Variants in SLC8A1 observed in about 807,000 individuals in gnomAD.
The protein encoded by SLC8A1 is solute carrier family 8 member A1, also known as sodium/calcium exchanger 1.
SLC8A1 carries 18 observed loss-of-function variants against 68.3 expected under a neutral mutation model. That is an observed-to-expected ratio of 0.26 (90% CI 0.18 to 0.39). The LOEUF is 0.39. Among genes scored for constraint, SLC8A1 ranks in the 10% least tolerant of loss-of-function variants. The pLI is 1.00. For missense variants in SLC8A1, 985 were observed against 1,156.7 expected, an observed-to-expected ratio of 0.85 and a Z score of 2.15; for synonymous variants, 475 against 415.5, an observed-to-expected ratio of 1.14 and a Z score of -1.74.
chr2:40,325,698 C>T (rs1166688932), intron 2 of SLC8A1, among the ~76,000 whole-genome samples: 1 of 145,322 alleles, frequency 6.9e-6, no homozygotes, highest in Non-Finnish European at 1.5e-5. Context: ...CTTTGGGAGG[C>T]CAAGACGGGT....
intron 2 of SLC8A1, among the ~76,000 whole-genome samples, chr2:40,191,393 T>C (rs2051806216): frequency 6.6e-6 from 1 of 152,192 alleles, no homozygotes; most frequent in Non-Finnish European, 1.5e-5. Context: ...CCAAACACTT[T>C]ATAGGTAAGC....
intron 2 of SLC8A1, among the ~76,000 whole-genome samples, chr2:40,290,848 C>G (rs569287396): frequency 6.6e-6 from 1 of 152,258 alleles, no homozygotes; most frequent in African/African-American, 2.4e-5. Flanking sequence ...TCCCTGTCTT[C>G]CCTTTTGATA....
intron 2 of SLC8A1, among the ~76,000 whole-genome samples, chr2:40,181,805 T>G (rs1324513528): frequency 1.3e-5 from 2 of 152,222 alleles, no homozygotes; most frequent in African/African-American, 4.8e-5. Flanking sequence ...TAAACCAATG[T>G]AATTTTTAAA....
At chr2:40,447,649 C>T (rs1044816444) in intron 1 of SLC8A1, among the ~76,000 whole-genome samples, 2 of 151,062 alleles carry the variant, frequency 1.3e-5, no homozygotes, top group African/African-American at 4.9e-5. Context: ...TTAATGGTAG[C>T]TCCTTCTCGG....
At chr2:40,125,224 C>A (rs1394640775) in intron 7 of SLC8A1, among the ~76,000 whole-genome samples, 1 of 152,112 alleles carries the variant, frequency 6.6e-6, no homozygotes, top group Non-Finnish European at 1.5e-5. Flanking sequence ...TAGACAAATC[C>A]TTGGATGAAA....
intron 2 of SLC8A1, among the ~76,000 whole-genome samples, chr2:40,380,136 T>G (rs1338449079): frequency 2.0e-5 from 3 of 152,158 alleles, no homozygotes; most frequent in Non-Finnish European, 2.9e-5. Flanking sequence ...TGTTGTTCTA[T>G]CTCAATAGCA....
intron 2 of SLC8A1, among the ~76,000 whole-genome samples, chr2:40,352,081 G>T (rs571928404): frequency 6.6e-6 from 1 of 152,252 alleles, no homozygotes; most frequent in African/African-American, 2.4e-5. Flanking sequence ...CCTAGAAATT[G>T]TAACAAGCTA....
intron 2 of SLC8A1, among the ~76,000 whole-genome samples, chr2:40,400,374 AGG>A (rs1688349874): frequency 6.6e-6 from 1 of 152,224 alleles, no homozygotes; most frequent in Admixed American, 6.5e-5. Context: ...AGACTCACCC[AGG>A]AAAGAAAAAG....
At chr2:40,296,705 CTT>C (rs1206583595) in intron 2 of SLC8A1, among the ~76,000 whole-genome samples, 4 of 152,024 alleles carry the variant, frequency 2.6e-5, no homozygotes, top group African/African-American at 9.7e-5. Context: ...TATGTTTACT[CTT>C]GTTATGTTTT....
chr2:40,463,074 T>C (rs766863752), intron 1 of SLC8A1, among the ~76,000 whole-genome samples: 16 of 152,188 alleles, frequency 1.1e-4, no homozygotes, highest in Non-Finnish European at 1.9e-4. Flanking sequence ...AATTTAGTTT[T>C]TAATTAACAT....
chr2:40,325,049 C>G (rs2075651324), intron 2 of SLC8A1, among the ~76,000 whole-genome samples: 1 of 152,032 alleles, frequency 6.6e-6, no homozygotes, highest in South Asian at 2.1e-4. Flanking sequence ...TCACTCTTTC[C>G]TTAATAATGA....
chr2:40,156,807 C>T (rs986911697), intron 6 of SLC8A1, among the ~76,000 whole-genome samples: 3 of 152,080 alleles, frequency 2.0e-5, no homozygotes, highest in Non-Finnish European at 4.4e-5. Flanking sequence ...CCTCTGTGTA[C>T]GTGCATACCT....
chr2:40,329,035 AT>A, intron 2 of SLC8A1, among the ~76,000 whole-genome samples: 1 of 145,052 alleles, frequency 6.9e-6, no homozygotes, highest in African/African-American at 2.6e-5. Context: ...CTACTTCTCT[AT>A]TTTCATCTCC....
chr2:40,270,980 A>G (rs1559042529), intron 2 of SLC8A1, among the ~76,000 whole-genome samples: 1 of 152,086 alleles, frequency 6.6e-6, no homozygotes, highest in Non-Finnish European at 1.5e-5. Context: ...ATCCTGGCCT[A>G]TGCCCTCTCT....
chr2:40,487,838 T>C (rs1705067666), intron 1 of SLC8A1, among the ~76,000 whole-genome samples: 1 of 152,174 alleles, frequency 6.6e-6, no homozygotes, highest in Non-Finnish European at 1.5e-5. Context: ...TGGTCAGTCA[T>C]GGCATTGAAA....
rs566807963 is a variant in SLC8A1 at position 40,392,249 on chromosome 2, C to T, written c.1808+36224G>A. Among the ~76,000 whole-genome samples the T allele has an allele frequency of 3.3e-5, 4 of 122,514 alleles. No homozygotes were observed. The South Asian group carries it at 9.8e-4, about 30-fold the overall frequency. The allele number at this position is 122,514 out of a possible 152,430, so 80.4% of individuals were successfully genotyped here. On this transcript the variant is annotated intron_variant, in intron 2 of 7. Transcript: ENST00000406785. The stretch of plus-strand genomic sequence containing the variant: ...GAAAGAAAAAGAAAGAGAAAGGAAG[C>T]AAGCAAGCAAGCAAGCAAGCAAGCA...
intron 2 of SLC8A1, among the ~76,000 whole-genome samples, chr2:40,241,257 C>T (rs1351730423): frequency 6.6e-6 from 1 of 152,104 alleles, no homozygotes; most frequent in African/African-American, 2.4e-5. Flanking sequence ...AACAGAAAAC[C>T]AAATACCACG....
chr2:40,336,687 A>G (rs773606928), intron 2 of SLC8A1, among the ~76,000 whole-genome samples: 27 of 152,156 alleles, frequency 1.8e-4, no homozygotes, highest in African/African-American at 4.3e-4. Context: ...CGTTCACAAA[A>G]ATACAGGCAT....
intron 2 of SLC8A1, among the ~76,000 whole-genome samples, chr2:40,408,811 T>C (rs565713443): frequency 1.1e-4 from 16 of 152,286 alleles, no homozygotes; most frequent in African/African-American, 3.8e-4. Context: ...ACTTGACTAA[T>C]TCTGTTATGC....
Sources: allele counts gnomAD v4.1 joint callset (sites outside exome capture counted in the v4.1 genomes callset), GRCh38; gene constraint gnomAD v4.1.1; transcripts MANE v1.5; gene names NCBI Gene and HGNC (gene_info 2026-07-23, HGNC 2026-07-21).